CACNA2D3: variants seen among roughly 807,000 people sequenced by gnomAD.
CACNA2D3 encodes voltage-dependent calcium channel subunit alpha-2/delta-3.
CACNA2D3 carries 60 observed loss-of-function variants against 160.6 expected under a neutral mutation model. The observed-to-expected ratio is 0.37, with a 90% CI of 0.30 to 0.46. The LOEUF is 0.46. Among genes scored for constraint, CACNA2D3 ranks in the 20% least tolerant of loss-of-function variants. The pLI, the probability that CACNA2D3 is intolerant of heterozygous loss-of-function variation, is 1.00. For missense variants in CACNA2D3, 1,205 were observed against 1,365.0 expected (o/e 0.88, Z 1.85); for synonymous variants, 558 against 492.9 (o/e 1.13, Z -1.75).
intron 17 of CACNA2D3, among the ~76,000 whole-genome samples, chr3:54,846,764 G>A (rs947596982): frequency 6.6e-6 from 1 of 152,064 alleles, no homozygotes; most frequent in African/African-American, 2.4e-5. Flanking sequence ...ACTCTAGACA[G>A]CATGAAACCT....
intron 2 of CACNA2D3, among the ~76,000 whole-genome samples, chr3:54,156,131 CAG>C (rs1479796614): frequency 6.6e-6 from 1 of 152,108 alleles, no homozygotes; most frequent in Non-Finnish European, 1.5e-5. Flanking sequence ...CAGTCACCAG[CAG>C]TAGATCCTGA....
chr3:54,514,053 C>T (rs574291487), intron 5 of CACNA2D3, among the ~76,000 whole-genome samples: 17 of 152,312 alleles, frequency 1.1e-4, no homozygotes, highest in African/African-American at 4.1e-4. Context: ...ATTTTCATCT[C>T]AGCATATGAA....
At chr3:54,187,284 T>C (rs759876458) in intron 2 of CACNA2D3, among the ~76,000 whole-genome samples, 120 of 152,302 alleles carry the variant, frequency 7.9e-4, no homozygotes, top group Non-Finnish European at 1.5e-3. Context: ...AAACTTAATA[T>C]ACTCGGTTGA....
At chr3:54,770,148 C>G (rs1702293201) in intron 13 of CACNA2D3, among the ~76,000 whole-genome samples, 1 of 152,172 alleles carries the variant, frequency 6.6e-6, no homozygotes, top group African/African-American at 2.4e-5. Context: ...AAATATCTCA[C>G]TTTTATTATT....
At chr3:54,993,601 G>GA (rs144858051) in intron 31 of CACNA2D3, among the ~76,000 whole-genome samples, 2,421 of 152,282 alleles carry the variant, frequency 0.016, 63 homozygotes, top group African/African-American at 0.054. Context: ...ACTGAAGGAT[G>GA]AAAATGTGGC....
intron 2 of CACNA2D3, among the ~76,000 whole-genome samples, chr3:54,262,491 G>A (rs1575351958): frequency 1.3e-5 from 2 of 152,234 alleles, no homozygotes; most frequent in East Asian, 3.9e-4. Flanking sequence ...TTAAAACTCA[G>A]ACTTTGGGAG....
intron 11 of CACNA2D3, among the ~76,000 whole-genome samples, chr3:54,695,783 T>C (rs558370008): frequency 1.3e-5 from 2 of 152,378 alleles, no homozygotes; most frequent in East Asian, 1.9e-4. Flanking sequence ...CTTCTCCTTA[T>C]TGATTTGCAA....
intron 27 of CACNA2D3, among the ~76,000 whole-genome samples, chr3:54,932,937 G>T (rs114440975): frequency 0.01 from 1,576 of 152,306 alleles, 36 homozygotes; most frequent in African/African-American, 0.036. Flanking sequence ...GAGGCATGTG[G>T]ATAATAGTGA....
intron 3 of CACNA2D3, among the ~76,000 whole-genome samples, chr3:54,377,155 T>A (rs1490590289): frequency 1.3e-5 from 2 of 152,232 alleles, no homozygotes; most frequent in Admixed American, 1.3e-4. Context: ...TTAATTTCTG[T>A]GTTTGTGCCA....
chr3:54,666,063 T>C (rs981382288), intron 11 of CACNA2D3, among the ~76,000 whole-genome samples: 4 of 152,154 alleles, frequency 2.6e-5, no homozygotes, highest in African/African-American at 9.6e-5. Context: ...ATAGATGGAA[T>C]AGAACTAACT....
chr3:54,511,611 T>G (rs1701459834), intron 5 of CACNA2D3, among the ~76,000 whole-genome samples: 1 of 152,178 alleles, frequency 6.6e-6, no homozygotes, highest in Admixed American at 6.5e-5. Flanking sequence ...ATCTCTTTTT[T>G]CAAAGGAATG....
chr3:54,536,523 G>A (rs746485138), intron 5 of CACNA2D3, among the ~76,000 whole-genome samples: 2 of 152,204 alleles, frequency 1.3e-5, no homozygotes, highest in Non-Finnish European at 2.9e-5. Flanking sequence ...AACCAGCCAG[G>A]CCAACAGCCC....
intron 4 of CACNA2D3, among the ~76,000 whole-genome samples, chr3:54,433,997 AGCT>A (rs1455007926): frequency 6.6e-6 from 1 of 152,154 alleles, no homozygotes; most frequent in Admixed American, 6.5e-5. Context: ...ATGAGCAAGG[AGCT>A]AATCGTTCCT....
chr3:54,250,767 T>C (rs1702173031), intron 2 of CACNA2D3, among the ~76,000 whole-genome samples: 1 of 152,152 alleles, frequency 6.6e-6, no homozygotes, highest in South Asian at 2.1e-4. Context: ...ACAAAGGTGA[T>C]AAGCATGCAA....
chr3:54,224,242 T>TCCTGAAGG (rs1225224369), intron 2 of CACNA2D3, among the ~76,000 whole-genome samples: 1 of 151,846 alleles, frequency 6.6e-6, no homozygotes, highest in East Asian at 1.9e-4. Context: ...TCTGGATACC[T>TCCTGAAGG]CCTGAAGGAC....
intron 11 of CACNA2D3, among the ~76,000 whole-genome samples, chr3:54,720,553 A>G (rs1701149879): frequency 6.7e-6 from 1 of 149,790 alleles, no homozygotes; most frequent in Admixed American, 6.6e-5. Flanking sequence ...GAGCACTTGT[A>G]AAAAAAAATG....
At chr3:54,817,452 A>G (rs1348199003) in intron 14 of CACNA2D3, among the ~76,000 whole-genome samples, 2 of 152,194 alleles carry the variant, frequency 1.3e-5, no homozygotes, top group Non-Finnish European at 2.9e-5. Context: ...GTGTCCAGAA[A>G]GACTCCATGT....
intron 27 of CACNA2D3, among the ~76,000 whole-genome samples, chr3:54,964,153 C>G (rs1400734418): frequency 6.6e-6 from 1 of 152,044 alleles, no homozygotes; most frequent in Non-Finnish European, 1.5e-5. Context: ...GAGGCTCACC[C>G]CATATTGGCA....
At chr3:54,650,921 C>CT (rs1699752077) in intron 11 of CACNA2D3, among the ~76,000 whole-genome samples, 1 of 152,188 alleles carries the variant, frequency 6.6e-6, no homozygotes, top group Non-Finnish European at 1.5e-5. Flanking sequence ...CCGTGTGTAT[C>CT]TAATTCTCAC....
Sources: gnomAD v4.1 joint callset for allele counts (sites outside exome capture counted in the v4.1 genomes callset) on GRCh38, gnomAD v4.1.1 for gene constraint, MANE v1.5 for transcripts, NCBI Gene and HGNC (gene_info 2026-07-23, HGNC 2026-07-21) for gene names.